SLC28A3: variants seen among roughly 807,000 people sequenced by gnomAD.
SLC28A3 encodes concentrative Na(+)-nucleoside cotransporter 3.
A neutral mutation model predicts 84.2 loss-of-function variants in SLC28A3; 68 were observed. The observed-to-expected ratio is 0.81, with a 90% confidence interval of 0.66 to 0.99. The LOEUF (loss-of-function observed/expected upper bound fraction) is 0.99, where lower values mean the gene tolerates loss of function less well. SLC28A3 is among the 50% of genes least tolerant of loss of function. The pLI is 0.00. For missense variants in SLC28A3, 712 were observed against 841.5 expected, an observed-to-expected ratio of 0.85 and a Z score of 1.90; for synonymous variants, 267 against 303.6, an observed-to-expected ratio of 0.88 and a Z score of 1.25.
upstream of SLC28A3, among the ~76,000 whole-genome samples, chr9:84,341,054 A>C (rs971069599): frequency 6.6e-6 from 1 of 150,702 alleles, no homozygotes; most frequent in Non-Finnish European, 1.5e-5. Flanking sequence ...GTTCACTGCA[A>C]CCTCTGCCTC....
intron 12 of SLC28A3, among the ~76,000 whole-genome samples, chr9:84,286,319 G>T (rs1163380809): frequency 1.3e-5 from 2 of 152,014 alleles, no homozygotes; most frequent in African/African-American, 4.8e-5. Context: ...AAGAGATAGG[G>T]TCTTGTTCTG....
chr9:84,310,625 G>A, intron 2 of SLC28A3: 5 of 978,744 alleles, frequency 5.1e-6, no homozygotes, highest in Non-Finnish European at 6.1e-6. Flanking sequence ...ATTAGTGTGT[G>A]TCTGAGATGA....
chr9:84,344,200 T>C (rs2118661088), upstream of SLC28A3, among the ~76,000 whole-genome samples: 1 of 149,994 alleles, frequency 6.7e-6, no homozygotes, highest in African/African-American at 2.5e-5. Context: ...TTTTTTTTTT[T>C]TTTTGGTCAG....
At chr9:84,365,201 A>G in the SLC28A3 span, among the ~76,000 whole-genome samples, 1 of 152,146 alleles carries the variant, frequency 6.6e-6, no homozygotes, top group African/African-American at 2.4e-5. Flanking sequence ...CTGTCTTTGG[A>G]TATATCCCAT....
At position 84,278,005 on chromosome 9, in the gene SLC28A3, G is replaced by T; in HGVS notation, c.*213C>A. The T allele has an allele frequency of 1.7e-6, 1 of 571,850 alleles. No individual in the cohort carries two copies. The highest frequency in any genetic ancestry group is 3.0e-6 in the Non-Finnish European group (1 of 333,422). The allele number at this position is 571,850 out of a possible 1,614,324, so 35.4% of individuals were successfully genotyped here. A position where few individuals can be genotyped will look rare whatever the true frequency, so the allele number is the denominator to read the frequency against. On this transcript the variant is annotated 3_prime_UTR_variant, in exon 18 of 18. Coordinates refer to ENST00000376238, the MANE Select transcript of SLC28A3 (RefSeq NM_001199633.2). ...CACCTCACTTTGGGACATCATAGCA[G>T]TTCTTGGTGGGGAAGGGGCTGGTGG...
intron 1 of SLC28A3, among the ~76,000 whole-genome samples, chr9:84,328,565 C>T (rs1826660067): frequency 6.6e-6 from 1 of 152,012 alleles, no homozygotes; most frequent in African/African-American, 2.4e-5. Flanking sequence ...TTGAGACCAG[C>T]CTGACCAATA....
the SLC28A3 span, among the ~76,000 whole-genome samples, chr9:84,356,060 C>G: frequency 6.6e-6 from 1 of 152,102 alleles, no homozygotes; most frequent in Non-Finnish European, 1.5e-5. Flanking sequence ...CTCAAGCAAT[C>G]CGACTGCCTC....
the SLC28A3 span, among the ~76,000 whole-genome samples, chr9:84,360,803 C>A: frequency 5.3e-5 from 8 of 152,048 alleles, no homozygotes; most frequent in African/African-American, 1.9e-4. Flanking sequence ...TGTAGTCTTG[C>A]TAATCAGGAG....
At chr9:84,287,351 T>C (rs936168395) in intron 12 of SLC28A3, among the ~76,000 whole-genome samples, 2 of 152,182 alleles carry the variant, frequency 1.3e-5, no homozygotes, top group Non-Finnish European at 2.9e-5. Context: ...TGAAATACTC[T>C]TGAACACCCT....
At chr9:84,287,177 CAAAA>C (rs1825024808) in intron 12 of SLC28A3, among the ~76,000 whole-genome samples, 2 of 138,912 alleles carry the variant, frequency 1.4e-5, no homozygotes, top group African/African-American at 6.0e-5. Flanking sequence ...AACAAACAAA[CAAAA>C]AAACAACATT....
At chr9:84,285,818 A>T in intron 13 of SLC28A3, 125 bp downstream of exon 13, 1 of 1,173,748 alleles carries the variant, frequency 8.5e-7, no homozygotes, top group African/African-American at 1.6e-5. Flanking sequence ...TGGGGGATGC[A>T]TGAGAAGCTT....
At chr9:84,368,238 A>G in the SLC28A3 span, among the ~76,000 whole-genome samples, 3 of 152,180 alleles carry the variant, frequency 2.0e-5, no homozygotes, top group Non-Finnish European at 4.4e-5. Context: ...AACAAAGCAC[A>G]TCCTGCACAG....
the SLC28A3 span, among the ~76,000 whole-genome samples, chr9:84,358,424 A>G: frequency 6.6e-6 from 1 of 152,138 alleles, no homozygotes; most frequent in Non-Finnish European, 1.5e-5. Flanking sequence ...AATCCCCTGT[A>G]TGACCTGTGT....
At chr9:84,314,800 T>C (rs1226229524) in intron 1 of SLC28A3, among the ~76,000 whole-genome samples, 1 of 152,216 alleles carries the variant, frequency 6.6e-6, no homozygotes, top group Non-Finnish European at 1.5e-5. Flanking sequence ...CAGCATGGGC[T>C]GGGTGTGGTG....
chr9:84,322,636 G>A (rs1826416485), intron 1 of SLC28A3, among the ~76,000 whole-genome samples: 1 of 152,178 alleles, frequency 6.6e-6, no homozygotes, highest in African/African-American at 2.4e-5. Flanking sequence ...TTTGAGGTCA[G>A]GAGTCCCAGA....
chr9:84,299,692 A>G lies in SLC28A3; in HGVS notation c.558T>C (p.Ile186=), dbSNP rs1457664034. 1.9e-6 allele frequency: 3 copies of G among 1,611,598 alleles called. No individual in the cohort carries two copies. Among genetic ancestry groups the G allele is most frequent in the Non-Finnish European group, 2.5e-6 (3 of 1,179,412 alleles). The change falls in exon 6 of 18, where the codon ATT becomes ATC. Residue 186 remains isoleucine, a synonymous_variant. Coordinates refer to ENST00000376238, the MANE Select transcript of SLC28A3 (RefSeq NM_001199633.2). The stretch of plus-strand genomic sequence containing the variant: ...TGGCAGTGTCAAAGGCCAACCAGAA[A>G]ATAACTGCTAGGACCAGGGAGCTCC... ...VIWSSLVLAV[I]FWLAFDTAKL...
chr9:84,333,137 G>A (rs1564178338), intron 1 of SLC28A3, among the ~76,000 whole-genome samples: 1 of 152,104 alleles, frequency 6.6e-6, no homozygotes, highest in African/African-American at 2.4e-5. Context: ...TAAACAAAGG[G>A]GGCAAAGGAA....
chr9:84,352,087 AT>A, the SLC28A3 span, among the ~76,000 whole-genome samples: 3 of 152,256 alleles, frequency 2.0e-5, no homozygotes, highest in Admixed American at 6.5e-5. Context: ...TACATTTAGC[AT>A]TTTTTTAATA....
At chr9:84,309,101 C>T (rs932331445) in intron 3 of SLC28A3, among the ~76,000 whole-genome samples, 1 of 152,202 alleles carries the variant, frequency 6.6e-6, no homozygotes, top group South Asian at 2.1e-4. Context: ...GTTCCCAGAA[C>T]ATCAGCAGTT....
Sources: allele counts gnomAD v4.1 joint callset (sites outside exome capture counted in the v4.1 genomes callset), GRCh38; gene constraint gnomAD v4.1.1; transcripts MANE v1.5; gene names NCBI Gene and HGNC (gene_info 2026-07-23, HGNC 2026-07-21).